Variants in SLC4A3 observed in about 807,000 individuals in gnomAD.
SLC4A3 encodes solute carrier family 4 member 3.
Under a neutral mutation model 114.2 loss-of-function variants are expected in SLC4A3, and 47 were observed. The ratio of observed to expected loss-of-function variants is 0.41; its 90% CI spans 0.33 to 0.52. The LOEUF (loss-of-function observed/expected upper bound fraction) is 0.52. SLC4A3 is among the 20% of genes least tolerant of loss of function. The probability of loss-of-function intolerance (pLI) is 0.21; values close to 1 mark genes in which losing one functional copy is unlikely to be tolerated. For synonymous variants in SLC4A3, 693 were observed against 710.3 expected (o/e 0.98, Z 0.39); for missense variants, 1,312 against 1,668.3 (o/e 0.79, Z 3.72).
Position 219,628,667 on chromosome 2 carries a change from C to T in SLC4A3, c.217+97C>T. 8.0e-7 allele frequency: 1 copy of T among 1,250,216 alleles called. No homozygotes were observed. Among genetic ancestry groups the T allele is most frequent in the South Asian group, 1.3e-5 (1 of 77,806 alleles). 77.4% of individuals were successfully genotyped at this position (1,250,216 alleles called of 1,614,324 possible). The stretch of plus-strand genomic sequence containing the variant: ...CACCTCCGGCTTGGTCACCCAGTGC[C>T]ATCCTGTGCCGGACACTGTGCTGGA... On this transcript the variant is annotated intron_variant, in intron 3 of 22. Transcript: ENST00000358055. The surrounding 1 kb of genome is among the most constrained non-coding windows in gnomAD (Gnocchi z 4.8).
intron 14 of SLC4A3, 93 bp downstream of exon 14, chr2:219,635,984 A>G (rs866371053): frequency 7.8e-6 from 8 of 1,020,696 alleles, no homozygotes; most frequent in Non-Finnish European, 4.2e-6. Flanking sequence ...GTGTGATCAC[A>G]TTAGGGGGCC....
chr2:219,641,539 G>A lies in SLC4A3; in HGVS notation c.3622-112G>A. On this transcript the variant is annotated intron_variant, in intron 22 of 22. Transcript: ENST00000358055. This position sits in a 1 kb window ranked among gnomAD's most constrained non-coding sequence, Gnocchi z 4.0. ...CCCAGGGTCATGGTACTTGCAGAGA[G>A]GCCCAGGAAAGGTCAGGGAGCAGGG... The A allele has an allele frequency of 1.2e-6, 1 of 822,712 alleles. No homozygotes were observed. The highest frequency in any genetic ancestry group is 1.6e-5 in the South Asian group (1 of 64,058). 51.0% of individuals were successfully genotyped at this position (822,712 alleles called of 1,614,324 possible).
rs1396319447 is a variant in SLC4A3 at position 219,641,247 on chromosome 2, G to A, written c.3621+285G>A. Among the ~76,000 whole-genome samples, 2 of 152,130 alleles carry A rather than the reference G, an allele frequency of 1.3e-5. No individual in the cohort carries two copies. On this transcript the variant is annotated intron_variant, in intron 22 of 22. Transcript: ENST00000358055. The surrounding 1 kb of genome is among the most constrained non-coding windows in gnomAD (Gnocchi z 4.0). ...GCTGCTGCACACAGCTGTGCAGGTG[G>A]TGCCTGACCAAAAACACCCGGCTGA...
In SLC4A3 at chr2:219,639,762, C is replaced by A. The variant is rs754937438; in HGVS notation, c.3277+27C>A. 1 of 1,595,602 alleles carries A rather than the reference C, an allele frequency of 6.3e-7. No individual in the cohort carries two copies. The highest frequency in any genetic ancestry group is 8.5e-7 in the Non-Finnish European group (1 of 1,175,756). ...TGAGAGCCCGCCTCCACCCTGCACA[C>A]CCCCTTCCTTGGGCCCCACGGTCTT... On this transcript the variant is annotated intron_variant, in intron 20 of 22. Coordinates refer to ENST00000358055, the MANE Select transcript of SLC4A3 (RefSeq NM_005070.4). This position sits in a 1 kb window ranked among gnomAD's most constrained non-coding sequence, Gnocchi z 5.9.
chr2:219,632,938 C>T lies in SLC4A3; in HGVS notation c.1206C>T (p.Thr402=). 6.2e-7 allele frequency: 1 copy of T among 1,614,090 alleles called. No individual in the cohort carries two copies. The highest frequency in any genetic ancestry group is 1.6e-4 in the Middle Eastern group (1 of 6,062). Reference sequence around the variant, plus strand: ...GCATTGCACACCTCGTGGTGGAGACCATGATTGTGTCTGACCAGATCCGGC... The same window carrying T: ...GCATTGCACACCTCGTGGTGGAGACTATGATTGTGTCTGACCAGATCCGGC... ...LPGIAHLVVE[T]MIVSDQIRPE... Residue 402 remains threonine, a synonymous_variant, in exon 9 of 23, where the codon ACC becomes ACT. Transcript: ENST00000358055.
Position 219,631,223 on chromosome 2 carries a change from C to G in SLC4A3, c.812-745C>G. 1 of 1,240,492 alleles carries G rather than the reference C, an allele frequency of 8.1e-7. No homozygotes were observed. Among genetic ancestry groups the G allele is most frequent in the Non-Finnish European group, 1.0e-6 (1 of 953,450 alleles). 76.8% of individuals were successfully genotyped at this position (1,240,492 alleles called of 1,614,324 possible). On this transcript the variant is annotated intron_variant, in intron 6 of 22. Coordinates refer to ENST00000358055, the MANE Select transcript of SLC4A3 (RefSeq NM_005070.4). The surrounding 1 kb of genome is among the most constrained non-coding windows in gnomAD (Gnocchi z 6.3). ...TCTGGTAGGGAGCGGAGGCCGAGGTCTCGGCCACCGGGAGAATGACGAGCC... is the reference window on the plus strand; with the variant it reads ...TCTGGTAGGGAGCGGAGGCCGAGGTGTCGGCCACCGGGAGAATGACGAGCC...
Position 219,635,276 on chromosome 2 carries a change from T to C in SLC4A3, c.1752T>C (p.Phe584=). Residue 584 remains phenylalanine, a synonymous_variant, in exon 13 of 23, where the codon TTT becomes TTC. Coordinates refer to ENST00000358055, the MANE Select transcript of SLC4A3 (RefSeq NM_005070.4). ...SIATLMSDKL[F]HEAAYQADDR... is the part of the protein sequence containing the mutation. Reference sequence around the variant, plus strand: ...GGCCCTCTCATTGCCCCCAGCTGTTTCATGAGGCTGCCTACCAGGCAGATG... The same window carrying C: ...GGCCCTCTCATTGCCCCCAGCTGTTCCATGAGGCTGCCTACCAGGCAGATG... The C allele has an allele frequency of 6.2e-7, 1 of 1,613,862 alleles. No homozygotes were observed. Among genetic ancestry groups the C allele is most frequent in the Non-Finnish European group, 8.5e-7 (1 of 1,179,894 alleles).
rs756823071 is a variant in SLC4A3, at chr2:219,628,618, C to T, written c.217+48C>T. The T allele has an allele frequency of 1.3e-6, 2 of 1,588,184 alleles. No homozygotes were observed. Among genetic ancestry groups the T allele is most frequent in the Admixed American group, 1.7e-5 (1 of 57,630 alleles). On this transcript the variant is annotated intron_variant, in intron 3 of 22. Coordinates refer to ENST00000358055, the MANE Select transcript of SLC4A3 (RefSeq NM_005070.4). The surrounding 1 kb of genome is among the most constrained non-coding windows in gnomAD (Gnocchi z 4.8). ...GTGCGGCCGCCCTCGCCACCATCAC[C>T]TTCATCGCCACCATCACCGCGCTCA...
rs374831285 is a variant in SLC4A3 at position 219,632,279 on chromosome 2, C to T, written c.978C>T (p.Asn326=). 4.7e-5 allele frequency: 76 copies of T among 1,614,024 alleles called. No homozygotes were observed. The highest frequency in any genetic ancestry group is 3.3e-4 in the East Asian group (15 of 44,870). Residue 326 remains asparagine, a synonymous_variant, in exon 8 of 23, where the codon AAC becomes AAT. Coordinates refer to ENST00000358055, the MANE Select transcript of SLC4A3 (RefSeq NM_005070.4). ...RRPHEVFVEL[N]ELMLDRSQEP... ...CCCCCCAGGTGTTCGTGGAGCTGAACGAGCTGATGCTGGACCGCAGCCAGG... is the reference window on the plus strand; with the variant it reads ...CCCCCCAGGTGTTCGTGGAGCTGAATGAGCTGATGCTGGACCGCAGCCAGG...
In SLC4A3 at chr2:219,639,462, T is replaced by A; in HGVS notation, c.3024-20T>A. 6.2e-7 allele frequency: 1 copy of A among 1,607,152 alleles called. No individual in the cohort carries two copies. Among genetic ancestry groups the A allele is most frequent in the Non-Finnish European group, 8.5e-7 (1 of 1,176,658 alleles). ...CCCTGCCAGGCCAGCCACACCCCGC[T>A]CCCCACCTTCTCCCTGCAGGCTTAT... On this transcript the variant is annotated intron_variant, in intron 19 of 22. Coordinates refer to ENST00000358055, the MANE Select transcript of SLC4A3 (RefSeq NM_005070.4). This position sits in a 1 kb window ranked among gnomAD's most constrained non-coding sequence, Gnocchi z 5.9.
At position 219,640,899 on chromosome 2, in the gene SLC4A3, G is replaced by A; in HGVS notation, c.3558G>A (p.Leu1186=). ...AASLAFPFLL[L]LTVPLRHCLL... ...CACTCGCCTTTCCCTTCCTGCTGCT[G>A]CTCACGGTGCCTCTGAGGCATTGCC... is the stretch of plus-strand genomic sequence containing the variant. Residue 1186 remains leucine (L), a synonymous_variant, in exon 22 of 23, where the codon CTG becomes CTA. Coordinates refer to ENST00000358055, the MANE Select transcript of SLC4A3 (RefSeq NM_005070.4). 1 of 1,611,188 alleles carries A rather than the reference G, an allele frequency of 6.2e-7. No homozygotes were observed.
rs773534018 is a variant in SLC4A3 at position 219,636,733 on chromosome 2, C to G, written c.2394C>G (p.Leu798=). 6.2e-7 allele frequency: 1 copy of G among 1,614,112 alleles called. No homozygotes were observed. The highest frequency in any genetic ancestry group is 8.5e-7 in the Non-Finnish European group (1 of 1,179,982). Residue 798 remains leucine, a synonymous_variant, in exon 16 of 23, where the codon CTC becomes CTG. Coordinates refer to ENST00000358055, the MANE Select transcript of SLC4A3 (RefSeq NM_005070.4). This position sits in a 1 kb window ranked among gnomAD's most constrained non-coding sequence, Gnocchi z 5.5. ...TCACTGGCCGGGTGTGGGTTGGTCTCTGGCTGGTGGTCTTCGTCCTTGCCC... is the reference window on the plus strand; with the variant it reads ...TCACTGGCCGGGTGTGGGTTGGTCTGTGGCTGGTGGTCTTCGTCCTTGCCC... ...EYLTGRVWVG[L]WLVVFVLALV...
intron 5 of SLC4A3, 78 bp downstream of exon 5, chr2:219,629,773 C>G: frequency 1.0e-6 from 1 of 981,970 alleles, no homozygotes; most frequent in Non-Finnish European, 1.5e-6. Flanking sequence ...CACCTCCTTC[C>G]TGACCCTGGG....
Position 219,632,075 on chromosome 2 carries a change from A to G in SLC4A3, c.919A>G (p.Arg307Gly). The G allele has an allele frequency of 6.2e-7, 1 of 1,613,758 alleles. No homozygotes were observed. Among genetic ancestry groups the G allele is most frequent in the Non-Finnish European group, 8.5e-7 (1 of 1,179,966 alleles). The stretch of plus-strand genomic sequence containing the variant: ...CAGCGGCCTGGCCCCCATCCTTCGC[A>G]GGAAGAAGAAGAAGAAAAAGCTGGA... ...SPSGLAPILR[R>G]KKKKKKLDRR... The change falls in exon 7 of 23, where the codon AGG (arginine) becomes GGG (glycine). Residue 307 changes from arginine to glycine, a missense_variant. Around this residue, in one of 4 missense-constraint regions of SLC4A3, gnomAD observed 771 missense variants for 977.7 expected, o/e 0.79. Transcript: ENST00000358055.
chr2:219,640,230 C>CT (rs1252011968), intron 20 of SLC4A3, among the ~76,000 whole-genome samples, 200 bp from the exon 21 acceptor site: 1 of 120,080 alleles, frequency 8.3e-6, no homozygotes, highest in African/African-American at 3.0e-5. Flanking sequence ...TGTCTGCCCC[C>CT]CCCCCCGCCC....
At chr2:219,640,755 G>C in intron 21 of SLC4A3, 34 bp from the exon 22 acceptor site, 3 of 1,601,726 alleles carry the variant, frequency 1.9e-6, no homozygotes, top group Non-Finnish European at 2.6e-6. Context: ...AGGCCGGGAC[G>C]CTGTGCACTG....
chr2:219,633,874 C>T lies in SLC4A3; in HGVS notation c.1462-6C>T. On this transcript the variant is annotated splice_region_variant and splice_polypyrimidine_tract_variant and intron_variant, in intron 10 of 22. Coordinates refer to ENST00000358055, the MANE Select transcript of SLC4A3 (RefSeq NM_005070.4). ...TCCCAGCCCTATTCCAGTTCTGCGT[C>T]CTCAGAAGCCCCTCCACATGCCTGG... 1 of 1,554,794 alleles carries T rather than the reference C, an allele frequency of 6.4e-7. No individual in the cohort carries two copies. The highest frequency in any genetic ancestry group is 1.2e-5 in the South Asian group (1 of 84,252).
In SLC4A3 at chr2:219,630,063, C is replaced by A; in HGVS notation, c.612-90C>A. The A allele has an allele frequency of 6.4e-7, 1 of 1,550,402 alleles. No individual in the cohort carries two copies. Among genetic ancestry groups the A allele is most frequent in the Non-Finnish European group, 8.7e-7 (1 of 1,145,724 alleles). On this transcript the variant is annotated intron_variant, in intron 5 of 22. Transcript: ENST00000358055. This position sits in a 1 kb window ranked among gnomAD's most constrained non-coding sequence, Gnocchi z 6.9. ...GGGGCCTGGGTCTCATGCTCAGGGT[C>A]TACTCCAGGCCGTGCTCTGAGCTGA...
chr2:219,633,041 C>T, intron 9 of SLC4A3, 32 bp downstream of exon 9: 2 of 1,608,752 alleles, frequency 1.2e-6, no homozygotes, highest in South Asian at 2.2e-5. Context: ...AGGGGCCTGT[C>T]CAGCTCAGCT....
Sources: allele counts gnomAD v4.1 joint callset (sites outside exome capture counted in the v4.1 genomes callset), GRCh38; gene constraint gnomAD v4.1.1; regional missense constraint gnomAD v4.1.1; non-coding constraint Gnocchi (gnomAD v3.1); transcripts MANE v1.5; gene names NCBI Gene and HGNC (gene_info 2026-07-23, HGNC 2026-07-21).